GAD2: variants seen among roughly 807,000 people sequenced by gnomAD.
The protein encoded by GAD2 is 65 kDa glutamic acid decarboxylase.
GAD2 carries 22 observed loss-of-function variants against 80.1 expected under a neutral mutation model. The ratio of observed to expected loss-of-function variants is 0.27; its 90% CI spans 0.20 to 0.39. The LOEUF (loss-of-function observed/expected upper bound fraction) is 0.39, where lower values mean the gene tolerates loss of function less well. Ranked by LOEUF, GAD2 falls within the 10% of genes least tolerant of loss-of-function variation. The pLI is 1.00. For missense variants in GAD2, 624 were observed against 738.4 expected (o/e 0.85, Z 1.80); for synonymous variants, 274 against 256.9 (o/e 1.07, Z -0.64).
At chr10:26,273,610 A>G (rs1203231997) in intron 10 of GAD2, 26 bp from the exon 11 acceptor site, 5 of 1,602,014 alleles carry the variant, frequency 3.1e-6, no homozygotes, top group Admixed American at 1.7e-5. Context: ...AACTGCTACC[A>G]TTTTCCTCAT....
intron 8 of GAD2, 62 bp from the exon 9 acceptor site, chr10:26,269,057 T>TA: frequency 1.5e-6 from 2 of 1,325,978 alleles, no homozygotes; most frequent in Non-Finnish European, 2.1e-6. Flanking sequence ...TGCGGCCACT[T>TA]ACGTTGTAAA....
chr10:26,229,624 T>C (rs1370740790), intron 6 of GAD2, 38 bp from the exon 7 acceptor site: 14 of 1,410,952 alleles, frequency 9.9e-6, no homozygotes, highest in Non-Finnish European at 1.0e-5. Context: ...ATGAGGTTGA[T>C]AATAAATAAA....
At position 26,281,088 on chromosome 10, in the gene GAD2, G is replaced by T; in HGVS notation, c.1236+1G>T. On this transcript the variant is annotated splice_donor_variant, in intron 12 of 15. Transcript: ENST00000376261. LOFTEE classifies it high-confidence loss of function. Reference sequence around the variant, plus strand: ...CTCTGCTCTCCTGGTTAGAGAAGAGGTATGTCTCTCTTGACTCTGTGTCCC... The same window carrying T: ...CTCTGCTCTCCTGGTTAGAGAAGAGTTATGTCTCTCTTGACTCTGTGTCCC... 6.2e-7 allele frequency: 1 copy of T among 1,604,998 alleles called. No individual in the cohort carries two copies. Among genetic ancestry groups the T allele is most frequent in the Non-Finnish European group, 8.5e-7 (1 of 1,172,006 alleles).
chr10:26,238,738 G>T (rs1844705839), intron 7 of GAD2, among the ~76,000 whole-genome samples: 1 of 152,226 alleles, frequency 6.6e-6, no homozygotes, highest in Admixed American at 6.5e-5. Context: ...CAATGAGGTG[G>T]TCTCCCAGAG....
intron 8 of GAD2, among the ~76,000 whole-genome samples, chr10:26,248,839 G>A (rs1844842904): frequency 6.6e-6 from 1 of 151,914 alleles, no homozygotes; most frequent in African/African-American, 2.4e-5. Context: ...TTTTTCTTTT[G>A]GGGCAAGGAG....
chr10:26,216,884 A>G lies in GAD2; in HGVS notation c.75A>G (p.Thr25=). The stretch of plus-strand genomic sequence containing the variant: ...CTGGGGATTCCGAGAATCCCGGCAC[A>G]GGTAGGAAGGAGAACGGGGGCCTGC... ...DGSGDSENPG[T]ARAWCQVAQK... Residue 25 remains threonine (T), a splice_region_variant and synonymous_variant, in exon 1 of 16, where the codon ACA becomes ACG. Coordinates refer to ENST00000376261, the MANE Select transcript of GAD2 (RefSeq NM_001134366.2). This position sits in a 1 kb window ranked among gnomAD's most constrained non-coding sequence, Gnocchi z 4.7. 2 of 1,609,392 alleles carry G rather than the reference A, an allele frequency of 1.2e-6. No individual in the cohort carries two copies. Among genetic ancestry groups the G allele is most frequent in the East Asian group, 2.3e-5 (1 of 44,378 alleles).
intron 13 of GAD2, 95 bp from the exon 14 acceptor site, chr10:26,292,370 A>G (rs952901124): frequency 2.4e-4 from 215 of 899,900 alleles, no homozygotes; most frequent in Middle Eastern, 1.1e-3. Flanking sequence ...AGACGGGGCT[A>G]AGACAGAGAC....
At chr10:26,270,617 T>C in intron 9 of GAD2, 23 bp from the exon 10 acceptor site, 1 of 1,525,410 alleles carries the variant, frequency 6.6e-7, no homozygotes, top group Non-Finnish European at 9.1e-7. Context: ...TTTCCATGAT[T>C]TGGGGCTTTC....
intron 6 of GAD2, chr10:26,224,861 T>G (rs1844501596): frequency 1.9e-6 from 1 of 526,546 alleles, no homozygotes; most frequent in African/African-American, 1.9e-5. Flanking sequence ...GTTATTTGTG[T>G]GCAAAGTGAG....
chr10:26,244,063 G>A (rs774551448), intron 7 of GAD2, among the ~76,000 whole-genome samples: 11 of 152,186 alleles, frequency 7.2e-5, no homozygotes, highest in Non-Finnish European at 1.6e-4. Context: ...AATGGGCAAA[G>A]AACTTGAATA....
At chr10:26,231,054 C>T (rs1170262280) in intron 7 of GAD2, among the ~76,000 whole-genome samples, 8 of 152,156 alleles carry the variant, frequency 5.3e-5, no homozygotes, top group African/African-American at 1.9e-4. Flanking sequence ...CGCATCACTG[C>T]ACTCCAGCCT....
rs149136572 is a variant in GAD2, at chr10:26,229,666, C to T, written c.729C>T (p.Gly243=). ...GSGDGIFSPG[G]AISNMYAMMI... is the part of the protein sequence containing the mutation. ...GCGTGTTGCTGTGCACTTTAGGTGG[C>T]GCCATATCTAACATGTATGCCATGA... Residue 243 remains glycine, a synonymous_variant, in exon 7 of 16, where the codon GGC becomes GGT. Coordinates refer to ENST00000376261, the MANE Select transcript of GAD2 (RefSeq NM_001134366.2). 96 of 1,611,620 alleles carry T rather than the reference C, an allele frequency of 6.0e-5. No individual in the cohort carries two copies. Among genetic ancestry groups the T allele is most frequent in the African/African-American group, 5.2e-4 (39 of 75,000 alleles).
intron 15 of GAD2, among the ~76,000 whole-genome samples, chr10:26,297,442 G>T (rs1237749756): frequency 6.6e-6 from 1 of 152,194 alleles, no homozygotes. Context: ...CCTGGTTATT[G>T]CTTTCTAAAG....
At chr10:26,282,602 A>G (rs1162319545) in intron 12 of GAD2, among the ~76,000 whole-genome samples, 1 of 152,172 alleles carries the variant, frequency 6.6e-6, no homozygotes, top group East Asian at 1.9e-4. Flanking sequence ...CACATAATTC[A>G]ATGAACAATA....
Position 26,302,016 on chromosome 10 carries a change from A to G in GAD2, c.*1055A>G, listed in dbSNP as rs1228231011. 6.6e-6 allele frequency: 1 copy of G among 152,216 alleles called. No individual in the cohort carries two copies. Among genetic ancestry groups the G allele is most frequent in the Non-Finnish European group, 1.5e-5 (1 of 68,036 alleles). The allele number at this position is 152,216 out of a possible 1,614,324, so 9.4% of individuals were successfully genotyped here. A position where few individuals can be genotyped will look rare whatever the true frequency, so the allele number is the denominator to read the frequency against. Reference sequence around the variant, plus strand: ...TAAAACCTTATCAGCCTGAGCAAAGAGGAATGAAGCACACTCCCAGAATGT... The same window carrying G: ...TAAAACCTTATCAGCCTGAGCAAAGGGGAATGAAGCACACTCCCAGAATGT... On this transcript the variant is annotated 3_prime_UTR_variant, in exon 16 of 16. Transcript: ENST00000376261.
intron 4 of GAD2, among the ~76,000 whole-genome samples, chr10:26,220,136 C>T (rs1375493023): frequency 1.3e-5 from 2 of 152,160 alleles, no homozygotes; most frequent in Admixed American, 1.3e-4. Flanking sequence ...TCGCTTTTTA[C>T]GTTGTCTCTA....
At chr10:26,269,395 C>G (rs996286758) in intron 9 of GAD2, among the ~76,000 whole-genome samples, 2 of 152,236 alleles carry the variant, frequency 1.3e-5, no homozygotes, top group African/African-American at 2.4e-5. Flanking sequence ...TACAGAGATA[C>G]AGTGAGCGTT....
intron 8 of GAD2, among the ~76,000 whole-genome samples, chr10:26,249,628 TGACTC>T (rs1159936547): frequency 6.6e-6 from 1 of 151,782 alleles, no homozygotes; most frequent in African/African-American, 2.4e-5. Context: ...TAGGGGCTCT[TGACTC>T]TACTCTTCAA....
chr10:26,221,828 C>T (rs943908128), intron 4 of GAD2, among the ~76,000 whole-genome samples: 1 of 152,222 alleles, frequency 6.6e-6, no homozygotes, highest in Non-Finnish European at 1.5e-5. Context: ...GCAGTGCGCT[C>T]TGCTCCCATC....
Sources: gnomAD v4.1 joint callset for allele counts (sites outside exome capture counted in the v4.1 genomes callset) on GRCh38, gnomAD v4.1.1 for gene constraint, Gnocchi (gnomAD v3.1) non-coding constraint, MANE v1.5 for transcripts, NCBI Gene and HGNC (gene_info 2026-07-23, HGNC 2026-07-21) for gene names.